Variants in NPAS3 observed in about 807,000 individuals in gnomAD.
NPAS3 encodes neuronal PAS domain protein 3.
Under a neutral mutation model 73.1 loss-of-function variants are expected in NPAS3, and 14 were observed. That is an observed-to-expected ratio of 0.19 (90% CI 0.13 to 0.30). The LOEUF is 0.30. Among genes scored for constraint, NPAS3 ranks in the 10% least tolerant of loss-of-function variants. The pLI is 1.00. For missense variants in NPAS3, 1,096 were observed against 1,250.0 expected (o/e 0.88, Z 1.86); for synonymous variants, 620 against 541.5 (o/e 1.14, Z -2.01).
chr14:33,044,878 T>C (rs1362045197), intron 1 of NPAS3, among the ~76,000 whole-genome samples: 1 of 152,158 alleles, frequency 6.6e-6, no homozygotes, highest in African/African-American at 2.4e-5. Context: ...GTTTGGAGTT[T>C]CTCTTTCATT....
At chr14:33,698,580 CTCA>C in intron 6 of NPAS3, among the ~76,000 whole-genome samples, 1 of 152,308 alleles carries the variant, frequency 6.6e-6, no homozygotes, top group African/African-American at 2.4e-5. Context: ...TAAACACTTT[CTCA>C]TCATTCCACA....
At chr14:33,226,391 T>G (rs2047633133) in intron 3 of NPAS3, among the ~76,000 whole-genome samples, 1 of 152,200 alleles carries the variant, frequency 6.6e-6, no homozygotes, top group Non-Finnish European at 1.5e-5. Context: ...AAGTATGTTG[T>G]GACTGTAACC....
At chr14:33,324,850 A>T (rs868257844) in intron 3 of NPAS3, among the ~76,000 whole-genome samples, 1 of 152,138 alleles carries the variant, frequency 6.6e-6, no homozygotes, top group Admixed American at 6.5e-5. Context: ...ACAGATTCTC[A>T]GTGTAGAATT....
At chr14:33,777,289 C>A (rs1200181498) in intron 8 of NPAS3, among the ~76,000 whole-genome samples, 2 of 152,174 alleles carry the variant, frequency 1.3e-5, no homozygotes, top group Admixed American at 1.3e-4. Context: ...CCCATGAAAT[C>A]CTTAGAAAAC....
intron 4 of NPAS3, among the ~76,000 whole-genome samples, chr14:33,455,340 A>T (rs112199513): frequency 5.9e-5 from 9 of 152,184 alleles, no homozygotes; most frequent in Non-Finnish European, 1.2e-4. Flanking sequence ...TTTGTTATGA[A>T]TTTAAAACTT....
chr14:32,972,954 T>G (rs1031450000), intron 1 of NPAS3, among the ~76,000 whole-genome samples: 1 of 152,192 alleles, frequency 6.6e-6, no homozygotes, highest in Non-Finnish European at 1.5e-5. Context: ...TTAGCACATA[T>G]GCTGTTTTTA....
At chr14:33,004,997 T>G (rs984029580) in intron 1 of NPAS3, among the ~76,000 whole-genome samples, 2 of 151,978 alleles carry the variant, frequency 1.3e-5, no homozygotes, top group African/African-American at 2.4e-5. Context: ...TCATCTCCTA[T>G]GATAGCAATG....
intron 5 of NPAS3, chr14:33,578,334 CAG>C (rs2056529566): frequency 2.4e-6 from 1 of 416,436 alleles, no homozygotes; most frequent in African/African-American, 2.1e-5. Context: ...GCTGGAATTA[CAG>C]GCATGTACTA....
rs1446693804 is a variant in NPAS3, at chr14:33,800,153, C to T, written c.1846C>T (p.Arg616Cys). Residue 616 changes from arginine (R) to cysteine (C), a missense_variant, in exon 12 of 12, where the codon CGC becomes TGC. Arg to Cys is a radical substitution (Grantham distance 180, BLOSUM62 -3). Coordinates refer to ENST00000356141, the Ensembl canonical transcript of NPAS3. The surrounding 1 kb of genome is among the most constrained non-coding windows in gnomAD (Gnocchi z 6.5). ...AAAGGGCGGCAGCGCCAGCCGCCGG[C>T]GCCTGTCCAGCGCGTCGAGCCCAGG... The T allele has an allele frequency of 1.3e-6, 2 of 1,599,246 alleles. No individual in the cohort carries two copies. The highest frequency in any genetic ancestry group is 2.7e-5 in the African/African-American group (2 of 74,774).
intron 1 of NPAS3, among the ~76,000 whole-genome samples, chr14:33,044,994 G>A (rs546174348): frequency 6.6e-6 from 1 of 152,076 alleles, no homozygotes; most frequent in South Asian, 2.1e-4. Flanking sequence ...CATTTTTCTT[G>A]TCTGCATGGA....
chr14:33,090,573 A>C (rs898913669), intron 2 of NPAS3, among the ~76,000 whole-genome samples: 2 of 152,200 alleles, frequency 1.3e-5, no homozygotes, highest in Non-Finnish European at 2.9e-5. Context: ...CCCACTGTCA[A>C]CATTAGACAG....
chr14:33,598,806 T>A (rs2057318877), intron 5 of NPAS3, among the ~76,000 whole-genome samples: 1 of 152,146 alleles, frequency 6.6e-6, no homozygotes, highest in African/African-American at 2.4e-5. Context: ...AAATTAACCA[T>A]GAGTTAATGT....
intron 1 of NPAS3, among the ~76,000 whole-genome samples, chr14:33,042,924 G>A (rs2040391472): frequency 6.6e-6 from 1 of 152,048 alleles, no homozygotes; most frequent in African/African-American, 2.4e-5. Flanking sequence ...AATAAATCTT[G>A]TTGAATCAAG....
chr14:32,949,985 GA>G (rs1423710827), intron 1 of NPAS3, among the ~76,000 whole-genome samples: 1 of 151,874 alleles, frequency 6.6e-6, no homozygotes, highest in Admixed American at 6.6e-5. Context: ...AAGTATAGAG[GA>G]AATAGTGTAA....
At chr14:33,144,235 A>T (rs1239858769) in intron 2 of NPAS3, among the ~76,000 whole-genome samples, 1 of 152,158 alleles carries the variant, frequency 6.6e-6, no homozygotes, top group African/African-American at 2.4e-5. Context: ...TTTAACAAAT[A>T]AAAAAACTTA....
intron 3 of NPAS3, among the ~76,000 whole-genome samples, chr14:33,277,958 G>A (rs2041411516): frequency 6.6e-6 from 1 of 152,104 alleles, no homozygotes; most frequent in Admixed American, 6.6e-5. Context: ...GAGGACCGTT[G>A]CAGAGGTTCG....
At chr14:33,007,010 G>A (rs571995525) in intron 1 of NPAS3, among the ~76,000 whole-genome samples, 2 of 151,540 alleles carry the variant, frequency 1.3e-5, no homozygotes, top group South Asian at 4.2e-4. Flanking sequence ...GAGTAAGCTT[G>A]AATTATGACT....
intron 1 of NPAS3, among the ~76,000 whole-genome samples, chr14:32,961,287 C>T (rs534288052): frequency 2.0e-5 from 3 of 151,862 alleles, no homozygotes; most frequent in South Asian, 4.2e-4. Flanking sequence ...TGGCGCGTGC[C>T]TGTAGTCCCA....
chr14:33,112,114 G>A (rs2042916170), intron 2 of NPAS3, among the ~76,000 whole-genome samples: 1 of 152,078 alleles, frequency 6.6e-6, no homozygotes, highest in African/African-American at 2.4e-5. Flanking sequence ...ATTGTGAATA[G>A]TGCTGCAATA....
Sources: allele counts gnomAD v4.1 joint callset (sites outside exome capture counted in the v4.1 genomes callset), GRCh38; gene constraint gnomAD v4.1.1; non-coding constraint Gnocchi (gnomAD v3.1); transcripts MANE v1.5; gene names NCBI Gene and HGNC (gene_info 2026-07-23, HGNC 2026-07-21).